Variants in UBL3 observed in about 807,000 individuals in gnomAD.
UBL3 encodes the protein ubiquitin-like protein 3.
UBL3 carries 6 observed loss-of-function variants against 18.4 expected under a neutral mutation model. The ratio of observed to expected loss-of-function variants is 0.33; its 90% CI spans 0.18 to 0.64. UBL3 has a LOEUF of 0.64. Among genes scored for constraint, UBL3 ranks in the 30% least tolerant of loss-of-function variants. The probability of loss-of-function intolerance (pLI) is 0.76; values close to 1 mark genes in which losing one functional copy is unlikely to be tolerated. For synonymous variants in UBL3, 49 were observed against 46.6 expected (o/e 1.05, Z -0.21); for missense variants, 109 against 142.9 (o/e 0.76, Z 1.21).
chr13:29,849,741 T>C lies in UBL3; in HGVS notation c.-203A>G. ...AGAGGAACAATCCCCAGGAGCTGTG[T>C]GGCCGGAGCAGGAGGAAACTCCCGG... On this transcript the variant is annotated 5_prime_UTR_variant, in exon 1 of 5. Coordinates refer to ENST00000380680, the MANE Select transcript of UBL3 (RefSeq NM_007106.4). The C allele has an allele frequency of 1.5e-6, 1 of 663,198 alleles. No individual in the cohort carries two copies. Among genetic ancestry groups the C allele is most frequent in the East Asian group, 2.7e-5 (1 of 36,536 alleles). 41.1% of individuals were successfully genotyped at this position (663,198 alleles called of 1,614,324 possible). A position where few individuals can be genotyped will look rare whatever the true frequency, so the allele number is the denominator to read the frequency against.
chr13:29,835,141 T>TATATATAA (rs1878916144), intron 1 of UBL3, among the ~76,000 whole-genome samples: 1 of 10,992 alleles, frequency 9.1e-5, no homozygotes, highest in Non-Finnish European at 1.7e-4. Context: ...TATATATATA[T>TATATATAA]ATATATATAT....
At chr13:29,781,580 C>G (rs994224443) in intron 1 of UBL3, among the ~76,000 whole-genome samples, 1 of 151,882 alleles carries the variant, frequency 6.6e-6, no homozygotes, top group Non-Finnish European at 1.5e-5. Context: ...AAATACCGCT[C>G]TGGTGGGGGA....
At chr13:29,847,780 A>C (rs1031206620) in intron 1 of UBL3, among the ~76,000 whole-genome samples, 1 of 152,222 alleles carries the variant, frequency 6.6e-6, no homozygotes, top group African/African-American at 2.4e-5. Context: ...CACTCATCAA[A>C]CAAGGGAAAT....
In UBL3 at chr13:29,850,604, G is replaced by A. The variant is rs1006237427; in HGVS notation, c.-1066C>T. 1.9e-5 allele frequency: 3 copies of A among 155,976 alleles called. No individual in the cohort carries two copies. Among genetic ancestry groups the A allele is most frequent in the Non-Finnish European group, 4.2e-5 (3 of 71,284 alleles). 9.7% of individuals were successfully genotyped at this position (155,976 alleles called of 1,614,324 possible). On this transcript the variant is annotated 5_prime_UTR_variant, in exon 1 of 5. Transcript: ENST00000380680. ...GGCGGCAGCGGCGGCGGCGGCGGCT[G>A]CCTGAGTGCGACTAAGGGAAACGGG... is the stretch of plus-strand genomic sequence containing the variant.
intron 1 of UBL3, among the ~76,000 whole-genome samples, chr13:29,823,078 T>G (rs1244771907): frequency 1.3e-5 from 2 of 152,248 alleles, no homozygotes; most frequent in African/African-American, 4.8e-5. Context: ...ATAATCTTAT[T>G]GCTTTTCTAA....
intron 1 of UBL3, among the ~76,000 whole-genome samples, chr13:29,830,374 T>C (rs1316517737): frequency 6.6e-6 from 1 of 152,148 alleles, no homozygotes; most frequent in Non-Finnish European, 1.5e-5. Context: ...AGGGAAAAAG[T>C]TTTCCCAGCT....
chr13:29,832,028 C>T (rs1747057), intron 1 of UBL3, among the ~76,000 whole-genome samples: 15,536 of 152,206 alleles, frequency 0.1, 974 homozygotes, highest in African/African-American at 0.17. Context: ...GGCTACCTTA[C>T]TAGACGACAC....
In UBL3 at chr13:29,850,012, T is replaced by C. The variant is rs1879329590; in HGVS notation, c.-474A>G. 1 of 160,100 alleles carries C rather than the reference T, an allele frequency of 6.2e-6. No homozygotes were observed. Among genetic ancestry groups the C allele is most frequent in the South Asian group, 1.5e-4 (1 of 6,494 alleles). The allele number at this position is 160,100 out of a possible 1,614,324, so 9.9% of individuals were successfully genotyped here. A position where few individuals can be genotyped will look rare whatever the true frequency, so the allele number is the denominator to read the frequency against. ...ACACAGATAACTATGTAGCTACACA[T>C]CGACGCGTGAGCCTTGAGTGGCGGC... On this transcript the variant is annotated 5_prime_UTR_variant, in exon 1 of 5. An upstream start codon of the reference 5' UTR is lost. Transcript: ENST00000380680.
chr13:29,825,609 C>T (rs570284997), intron 1 of UBL3, among the ~76,000 whole-genome samples: 12 of 152,260 alleles, frequency 7.9e-5, no homozygotes, highest in East Asian at 5.8e-4. Flanking sequence ...TGGGCTGAGA[C>T]GACGGGGTTT....
At chr13:29,822,198 T>C (rs1878474225) in intron 1 of UBL3, among the ~76,000 whole-genome samples, 1 of 152,266 alleles carries the variant, frequency 6.6e-6, no homozygotes, top group South Asian at 2.1e-4. Context: ...GATTTGTTTT[T>C]ACTTCATTTA....
intron 1 of UBL3, among the ~76,000 whole-genome samples, chr13:29,838,984 T>A (rs1477254502): frequency 2.0e-5 from 3 of 151,914 alleles, no homozygotes; most frequent in Non-Finnish European, 4.4e-5. Context: ...AAGCAAAAAA[T>A]GTTACTAGAC....
At chr13:29,769,582 A>G (rs191080818) in intron 3 of UBL3, among the ~76,000 whole-genome samples, 13 of 152,140 alleles carry the variant, frequency 8.5e-5, no homozygotes, top group Admixed American at 3.9e-4. Context: ...GCATTTTAAA[A>G]TAAGTATCCT....
intron 1 of UBL3, among the ~76,000 whole-genome samples, chr13:29,787,067 A>C (rs1877339893): frequency 6.6e-6 from 1 of 152,212 alleles, no homozygotes; most frequent in African/African-American, 2.4e-5. Context: ...CTTATTAGCT[A>C]AAATATTTTT....
intron 1 of UBL3, among the ~76,000 whole-genome samples, chr13:29,780,390 A>ATATATATATGTG (rs755886113): frequency 3.3e-5 from 3 of 92,150 alleles, no homozygotes; most frequent in Admixed American, 1.5e-4. Context: ...ATATATATAT[A>ATATATATATGTG]TGTGTGTGTG....
chr13:29,779,129 T>C (rs1877077591), intron 1 of UBL3: 3 of 405,550 alleles, frequency 7.4e-6, no homozygotes, highest in South Asian at 5.8e-5. Flanking sequence ...GCAAGAATGA[T>C]TACACTCTAC....
chr13:29,775,091 G>A (rs527441278), intron 2 of UBL3, among the ~76,000 whole-genome samples: 21 of 152,204 alleles, frequency 1.4e-4, no homozygotes, highest in African/African-American at 1.9e-4. Context: ...CAAACACTAT[G>A]TAGGAACATA....
chr13:29,809,908 ATTAAT>A (rs985065786), intron 1 of UBL3, among the ~76,000 whole-genome samples: 2 of 152,130 alleles, frequency 1.3e-5, no homozygotes, highest in African/African-American at 2.4e-5. Context: ...ATGACTATAT[ATTAAT>A]TTATTTGTGT....
chr13:29,775,389 C>T (rs183647911), intron 2 of UBL3, among the ~76,000 whole-genome samples: 54 of 152,138 alleles, frequency 3.5e-4, no homozygotes, highest in Admixed American at 3.5e-3. Flanking sequence ...AGAAAAGCTC[C>T]GTATATTATT....
At chr13:29,836,545 G>C (rs1878967726) in intron 1 of UBL3, among the ~76,000 whole-genome samples, 1 of 151,884 alleles carries the variant, frequency 6.6e-6, no homozygotes, top group Non-Finnish European at 1.5e-5. Context: ...GTCAGGACTT[G>C]AGGAGCCAAG....
Sources: allele counts gnomAD v4.1 joint callset (sites outside exome capture counted in the v4.1 genomes callset), GRCh38; gene constraint gnomAD v4.1.1; transcripts MANE v1.5; gene names NCBI Gene and HGNC (gene_info 2026-07-23, HGNC 2026-07-21).